The following EFCAB11 variants were observed in gnomAD, a reference collection of about 807,000 sequenced individuals.
EFCAB11 encodes the protein EF-hand calcium-binding domain-containing protein 11.
A neutral mutation model predicts 23.0 loss-of-function variants in EFCAB11; 14 were observed. The ratio of observed to expected loss-of-function variants is 0.61; its 90% CI spans 0.40 to 0.95. EFCAB11 has a LOEUF of 0.95. Among genes scored for constraint, EFCAB11 ranks in the 40% least tolerant of loss-of-function variants. EFCAB11 has a pLI of 0.00. For missense variants in EFCAB11, 198 were observed against 195.8 expected, an observed-to-expected ratio of 1.01 and a Z score of -0.07; for synonymous variants, 65 against 66.6, an observed-to-expected ratio of 0.98 and a Z score of 0.11.
At chr14:89,815,409 A>C (rs1219454981) in intron 5 of EFCAB11, among the ~76,000 whole-genome samples, 1 of 152,082 alleles carries the variant, frequency 6.6e-6, no homozygotes, top group African/African-American at 2.4e-5. Flanking sequence ...TATCATAATT[A>C]AAGGAATTTC....
Position 89,950,158 on chromosome 14 carries a change from A to T in EFCAB11, c.172-16T>A. On this transcript the variant is annotated splice_polypyrimidine_tract_variant and intron_variant, in intron 2 of 5. Transcript: ENST00000316738. Reference sequence around the variant, plus strand: ...CCACTTCTATCTAGAAAAGAGGAAAAAATAATAGAACATGTAATTTTATCA... The same window carrying T: ...CCACTTCTATCTAGAAAAGAGGAAATAATAATAGAACATGTAATTTTATCA... The T allele has an allele frequency of 6.4e-7, 1 of 1,551,976 alleles. No homozygotes were observed. Among genetic ancestry groups the T allele is most frequent in the Non-Finnish European group, 8.8e-7 (1 of 1,137,284 alleles).
At chr14:89,909,896 C>T (rs555291453) in intron 5 of EFCAB11, among the ~76,000 whole-genome samples, 3 of 152,330 alleles carry the variant, frequency 2.0e-5, no homozygotes, top group Admixed American at 2.0e-4. Context: ...CAAATGGAGA[C>T]CATCCTCCAG....
At position 89,918,238 on chromosome 14, in the gene EFCAB11, A is replaced by C. The variant is rs150701271; in HGVS notation, c.410+13303T>G. Among the ~76,000 whole-genome samples, 6 of 152,298 alleles carry C rather than the reference A, an allele frequency of 3.9e-5. No homozygotes were observed. The East Asian group carries it at 1.2e-3, about 29-fold the overall frequency. On this transcript the variant is annotated intron_variant, in intron 5 of 5. Coordinates refer to ENST00000316738, the MANE Select transcript of EFCAB11 (RefSeq NM_145231.4). ...AAAAAAGAAGAGACCCCTTTTCCTC[A>C]GAAATAAAATTAAAGGAAGGCTGGG...
chr14:89,918,105 C>T (rs1889908427), intron 5 of EFCAB11, among the ~76,000 whole-genome samples: 1 of 151,952 alleles, frequency 6.6e-6, no homozygotes, highest in Admixed American at 6.6e-5. Context: ...AGTATATCTT[C>T]AGGCAGGGAT....
intron 3 of EFCAB11, among the ~76,000 whole-genome samples, chr14:89,944,447 C>T (rs1027274556): frequency 1.3e-5 from 2 of 152,080 alleles, no homozygotes; most frequent in African/African-American, 4.8e-5. Context: ...ATATCAGTAA[C>T]ATAATAGAGA....
intron 5 of EFCAB11, among the ~76,000 whole-genome samples, chr14:89,892,762 C>T (rs1375472883): frequency 4.6e-5 from 7 of 151,932 alleles, no homozygotes; most frequent in African/African-American, 9.7e-5. Context: ...ATTAGCCAGG[C>T]GTGGTGGTGC....
chr14:89,922,685 G>A (rs764758929), intron 5 of EFCAB11, among the ~76,000 whole-genome samples: 80 of 152,212 alleles, frequency 5.3e-4, no homozygotes, highest in South Asian at 2.1e-4. Context: ...ATCTATTCAA[G>A]ACCTACAAAA....
intron 5 of EFCAB11, among the ~76,000 whole-genome samples, chr14:89,802,207 T>TAAAAAAAAA (rs35720736): frequency 7.3e-6 from 1 of 136,086 alleles, no homozygotes. Flanking sequence ...CCAAGTTACT[T>TAAAAAAAAA]AAAAAAAAAA....
At chr14:89,877,022 C>T (rs985252329) in intron 5 of EFCAB11, among the ~76,000 whole-genome samples, 7 of 151,962 alleles carry the variant, frequency 4.6e-5, no homozygotes, top group African/African-American at 1.4e-4. Context: ...GTACTATCTA[C>T]TCCCAGAGTA....
chr14:89,912,294 C>T (rs1324079834), intron 5 of EFCAB11, among the ~76,000 whole-genome samples: 1 of 152,128 alleles, frequency 6.6e-6, no homozygotes, highest in Non-Finnish European at 1.5e-5. Context: ...TCTATTCTAA[C>T]GTCTAGCATG....
intron 5 of EFCAB11, among the ~76,000 whole-genome samples, chr14:89,899,517 C>T (rs28533781): frequency 0.026 from 3,935 of 152,152 alleles, 193 homozygotes; most frequent in African/African-American, 0.089. Flanking sequence ...TGTTATATAT[C>T]AAAAGATAAT....
intron 5 of EFCAB11, among the ~76,000 whole-genome samples, chr14:89,908,095 T>G (rs761631991): frequency 3.3e-5 from 5 of 152,196 alleles, no homozygotes; most frequent in Non-Finnish European, 7.3e-5. Context: ...TTATTCACAG[T>G]GAAGAGGAGG....
Position 89,797,173 on chromosome 14 carries a change from A to G in EFCAB11, c.*70T>C. ...CACAAGTCTGTAGCATGACATCATT[A>G]GTAGAGTCGAGTCTGCTGACATTAC... On this transcript the variant is annotated 3_prime_UTR_variant, in exon 6 of 6. Coordinates refer to ENST00000316738, the MANE Select transcript of EFCAB11 (RefSeq NM_145231.4). 1 of 1,384,586 alleles carries G rather than the reference A, an allele frequency of 7.2e-7. No individual in the cohort carries two copies. The highest frequency in any genetic ancestry group is 1.0e-6 in the Non-Finnish European group (1 of 990,858). The allele number at this position is 1,384,586 out of a possible 1,614,324, so 85.8% of individuals were successfully genotyped here. A position where few individuals can be genotyped will look rare whatever the true frequency, so the allele number is the denominator to read the frequency against.
chr14:89,835,876 C>T (rs1887063459), intron 5 of EFCAB11, among the ~76,000 whole-genome samples: 1 of 152,120 alleles, frequency 6.6e-6, no homozygotes, highest in Non-Finnish European at 1.5e-5. Flanking sequence ...GATCTACCTG[C>T]CTCGGCCTCC....
At chr14:89,881,758 A>G (rs1002908384) in intron 5 of EFCAB11, among the ~76,000 whole-genome samples, 4 of 151,912 alleles carry the variant, frequency 2.6e-5, no homozygotes, top group Non-Finnish European at 4.4e-5. Flanking sequence ...TGGAACTAAT[A>G]TATTTTCAAA....
Position 89,952,542 on chromosome 14 carries a change from A to C in EFCAB11, c.171+1364T>G, listed in dbSNP as rs530856605. 2.6e-3 allele frequency: 2,545 copies of C among 985,434 alleles called. 3 individuals are homozygous for C. The highest frequency in any genetic ancestry group is 3.0e-3 in the Non-Finnish European group (2,454 of 829,926). 61.0% of individuals were successfully genotyped at this position (985,434 alleles called of 1,614,324 possible). ...GACTACTTCTCTGAGCTCCATAATA[A>C]GCTTCTCAGTAACTAGGCAGCCCCT... On this transcript the variant is annotated intron_variant, in intron 2 of 5. Transcript: ENST00000316738.
chr14:89,882,301 G>A lies in EFCAB11; in HGVS notation c.410+49240C>T, dbSNP rs192244164. ...GTTTCTGTTAAGGGTGAAGCACAAT[G>A]GGAAATGTATGTGCGGCATATGTTG... On this transcript the variant is annotated intron_variant, in intron 5 of 5. Transcript: ENST00000316738. 1.2e-4 allele frequency among the ~76,000 whole-genome samples: 18 copies of A among 152,276 alleles called. No homozygotes were observed. The East Asian group carries it at 3.5e-3, about 29-fold the overall frequency.
chr14:89,931,709 A>T, intron 4 of EFCAB11, 78 bp from the exon 5 acceptor site: 1 of 1,242,160 alleles, frequency 8.1e-7, no homozygotes, highest in Non-Finnish European at 1.2e-6. Context: ...ACATTTGTGC[A>T]AAACTTATTT....
rs567548826 is a variant in EFCAB11 at position 89,881,098 on chromosome 14, CTATT to C, written c.410+50439_410+50442del. Among the ~76,000 whole-genome samples the C allele has an allele frequency of 2.1e-4, 32 of 151,854 alleles. No homozygotes were observed. In the East Asian group the frequency reaches 2.1e-3, roughly 10 times the overall value. ...CCAATTACTCTGCATTCTTATTACC[CTATT>C]TATTTATTTATTTATTTATTTTGCA... On this transcript the variant is annotated intron_variant, in intron 5 of 5. Transcript: ENST00000316738.
Sources: allele counts gnomAD v4.1 joint callset (sites outside exome capture counted in the v4.1 genomes callset), GRCh38; gene constraint gnomAD v4.1.1; transcripts MANE v1.5; gene names NCBI Gene and HGNC (gene_info 2026-07-23, HGNC 2026-07-21).